Variants in ANKRD17 observed in about 807,000 individuals in gnomAD.
The protein encoded by ANKRD17 is ankyrin repeat domain 17.
ANKRD17 carries 19 observed loss-of-function variants against 229.7 expected under a neutral mutation model. That is an observed-to-expected ratio of 0.08 (90% CI 0.06 to 0.12). The LOEUF is 0.12. ANKRD17 is among the 10% of genes least tolerant of loss of function. ANKRD17 has a pLI of 1.00. For missense variants in ANKRD17, 2,176 were observed against 3,176.8 expected, an observed-to-expected ratio of 0.68 and a Z score of 7.57; for synonymous variants, 1,112 against 1,146.1, an observed-to-expected ratio of 0.97 and a Z score of 0.60.
chr4:73,119,537 A>G (rs2148689589), intron 21 of ANKRD17, among the ~76,000 whole-genome samples: 1 of 152,334 alleles, frequency 6.6e-6, no homozygotes, highest in East Asian at 1.9e-4. Flanking sequence ...TAAAGATAAC[A>G]TGCAGGTTTA....
At chr4:73,250,285 G>A (rs570876224) in intron 1 of ANKRD17, among the ~76,000 whole-genome samples, 2 of 152,022 alleles carry the variant, frequency 1.3e-5, no homozygotes, top group East Asian at 3.9e-4. Flanking sequence ...AGCAAGCTTT[G>A]AGAAATTTCA....
intron 1 of ANKRD17, 47 bp downstream of exon 1, chr4:73,258,229 C>G (rs559107030): frequency 6.2e-7 from 1 of 1,612,242 alleles, no homozygotes; most frequent in Non-Finnish European, 8.5e-7. Flanking sequence ...CGGCCCCTAT[C>G]CCTTACAGTC....
intron 1 of ANKRD17, among the ~76,000 whole-genome samples, chr4:73,180,187 T>G (rs924613294): frequency 5.9e-5 from 9 of 152,106 alleles, no homozygotes; most frequent in Admixed American, 5.2e-4. Flanking sequence ...GTGCTAAAGA[T>G]GTTCAAAGGA....
intron 13 of ANKRD17, 118 bp from the exon 14 acceptor site, chr4:73,141,961 C>A: frequency 1.1e-6 from 1 of 896,824 alleles, no homozygotes. Context: ...TCATCTTAGA[C>A]AATGACATAT....
At chr4:73,232,943 G>A (rs1287051972) in intron 1 of ANKRD17, among the ~76,000 whole-genome samples, 2 of 151,986 alleles carry the variant, frequency 1.3e-5, no homozygotes. Flanking sequence ...GGCTGGTCTC[G>A]AACTCCTAAC....
chr4:73,114,990 AATTTCCTGCAAAATTTGC>A (rs561094392), intron 23 of ANKRD17, among the ~76,000 whole-genome samples: 3 of 152,138 alleles, frequency 2.0e-5, no homozygotes, highest in Non-Finnish European at 4.4e-5. Flanking sequence ...TCTTCCATAA[AATTTCCTGCAAAATTTGC>A]ATTTCCTGCA....
intron 1 of ANKRD17, among the ~76,000 whole-genome samples, chr4:73,230,531 C>G (rs749523991): frequency 6.6e-6 from 1 of 152,136 alleles, no homozygotes; most frequent in Non-Finnish European, 1.5e-5. Flanking sequence ...TAATCTAGAA[C>G]ACAATCCTGA....
At chr4:73,212,644 G>A (rs1445824330) in intron 1 of ANKRD17, among the ~76,000 whole-genome samples, 1 of 151,682 alleles carries the variant, frequency 6.6e-6, no homozygotes, top group Non-Finnish European at 1.5e-5. Context: ...TCTTAAAAAC[G>A]AAAACTTTCT....
intron 1 of ANKRD17, among the ~76,000 whole-genome samples, chr4:73,249,058 C>T (rs978609782): frequency 6.6e-6 from 1 of 152,020 alleles, no homozygotes; most frequent in Non-Finnish European, 1.5e-5. Flanking sequence ...TTTAGGTTGA[C>T]AGGAAAAGAG....
rs558908600 is a variant in ANKRD17 at position 73,226,331 on chromosome 4, A to T, written c.393+31945T>A. ...ATAAGAGAATTGTCTGATATCCACT[A>T]CAGTATCCTAATACCTTTTAAATTA... On this transcript the variant is annotated intron_variant, in intron 1 of 33. Transcript: ENST00000358602. 2.3e-3 allele frequency among the ~76,000 whole-genome samples: 351 copies of T among 150,128 alleles called. 3 individuals carry two copies. The highest frequency in any genetic ancestry group is 7.9e-3 in the African/African-American group (325 of 40,900).
chr4:73,161,524 A>C (rs1000466134), intron 2 of ANKRD17, among the ~76,000 whole-genome samples, 176 bp from the exon 3 acceptor site: 3 of 152,208 alleles, frequency 2.0e-5, no homozygotes, highest in Non-Finnish European at 4.4e-5. Context: ...GTTTTCTAAT[A>C]ATCTTATTCA....
At chr4:73,238,519 A>C (rs1470905177) in intron 1 of ANKRD17, among the ~76,000 whole-genome samples, 1 of 152,206 alleles carries the variant, frequency 6.6e-6, no homozygotes, top group Non-Finnish European at 1.5e-5. Context: ...TAGGGAAACA[A>C]GATGAAATAA....
At chr4:73,087,306 A>C (rs974186468) in intron 29 of ANKRD17, among the ~76,000 whole-genome samples, 16 of 151,982 alleles carry the variant, frequency 1.1e-4, no homozygotes. Context: ...GCAGGTCTTA[A>C]ATTTCTGGCC....
rs190644238 is a variant in ANKRD17, at chr4:73,247,085, A to G, written c.393+11191T>C. Among the ~76,000 whole-genome samples the G allele has an allele frequency of 1.1e-3, 163 of 152,144 alleles. 1 individual carries two copies. Among genetic ancestry groups the G allele is most frequent in the African/African-American group, 3.5e-3 (147 of 41,570 alleles). On this transcript the variant is annotated intron_variant, in intron 1 of 33. Transcript: ENST00000358602. ...TACTATAAATACTATCAACAAATCAATAAGAAAACAACAAGACAATCCTAA... is the reference window on the plus strand; with the variant it reads ...TACTATAAATACTATCAACAAATCAGTAAGAAAACAACAAGACAATCCTAA...
rs80274577 is a variant in ANKRD17 at position 73,076,985 on chromosome 4, C to A, written c.7707G>T (p.Leu2569=). 2.6e-4 allele frequency: 424 copies of A among 1,613,358 alleles called. 1 individual carries two copies. The African/African-American group carries it at 4.9e-3, about 19-fold the overall frequency. ...CCGTGGAGCTGGAAACCATCTTTAT[C>A]AGTGAGTTCCAAGAAGGGTCTGCAG... ...PHAADPSWNS[L]IKMVSSSTEN... The change falls in exon 33 of 34, where the codon CTG becomes CTT. Residue 2569 remains leucine, a synonymous_variant. Transcript: ENST00000358602.
At chr4:73,131,934 A>G (rs1199143205) in intron 16 of ANKRD17, among the ~76,000 whole-genome samples, 2 of 152,162 alleles carry the variant, frequency 1.3e-5, no homozygotes, top group Admixed American at 1.3e-4. Context: ...TTTCTTCATT[A>G]TATTATTTGT....
At chr4:73,131,552 C>T (rs1446971600) in intron 16 of ANKRD17, among the ~76,000 whole-genome samples, 2 of 152,164 alleles carry the variant, frequency 1.3e-5, no homozygotes, top group African/African-American at 2.4e-5. Context: ...TGTGATCCCA[C>T]TTACCAGGCT....
Position 73,149,056 on chromosome 4 carries a change from G to A in ANKRD17, c.1330-6C>T, listed in dbSNP as rs1160352772. ...GCTACTTCAACATGGCCATCCTAAT[G>A]ATAATACAATTTAAAAAATTAAATC... On this transcript the variant is annotated splice_region_variant and splice_polypyrimidine_tract_variant and intron_variant, in intron 7 of 33. Transcript: ENST00000358602. The A allele has an allele frequency of 1.9e-6, 3 of 1,603,860 alleles. No homozygotes were observed. The Admixed American group carries it at 5.1e-5, about 27-fold the overall frequency.
intron 2 of ANKRD17, among the ~76,000 whole-genome samples, chr4:73,163,723 C>T (rs1024292978): frequency 2.0e-5 from 3 of 152,130 alleles, no homozygotes; most frequent in South Asian, 2.1e-4. Context: ...TGCTTTATAG[C>T]GATATCTGCA....
Sources: gnomAD v4.1 joint callset for allele counts (sites outside exome capture counted in the v4.1 genomes callset) on GRCh38, gnomAD v4.1.1 for gene constraint, MANE v1.5 for transcripts, NCBI Gene and HGNC (gene_info 2026-07-23, HGNC 2026-07-21) for gene names.